The following ZNF695 variants were observed in gnomAD, a reference collection of about 807,000 sequenced individuals.
ZNF695 encodes zinc finger protein SBZF3.
ZNF695 carries 11 observed loss-of-function variants against 11.2 expected under a neutral mutation model. The observed-to-expected ratio is 0.98, with a 90% CI of 0.62 to 1.62. The LOEUF (loss-of-function observed/expected upper bound fraction) is 1.62, where lower values mean the gene tolerates loss of function less well. Ranked by LOEUF, ZNF695 falls within the 40% of genes most tolerant of loss-of-function variation. The pLI, the probability that ZNF695 is intolerant of heterozygous loss-of-function variation, is 0.00. For missense variants in ZNF695, 559 were observed against 590.5 expected, an observed-to-expected ratio of 0.95 and a Z score of 0.55; for synonymous variants, 190 against 201.4, an observed-to-expected ratio of 0.94 and a Z score of 0.48.
At chr1:246,988,709 C>G (rs79645515) in intron 3 of ZNF695, among the ~76,000 whole-genome samples, 3,615 of 152,234 alleles carry the variant, frequency 0.024, 146 homozygotes, top group African/African-American at 0.08. Context: ...GTACTTCAAT[C>G]AGAAAAGAAC....
intron 5 of ZNF695, among the ~76,000 whole-genome samples, chr1:246,947,101 C>T (rs1475378666): frequency 7.1e-6 from 1 of 140,568 alleles, no homozygotes; most frequent in Non-Finnish European, 1.5e-5. Flanking sequence ...GATCGGGCCA[C>T]TGCACTCCAG....
In ZNF695 at chr1:246,987,585, G is replaced by A. The variant is rs1668891921; in HGVS notation, c.930C>T (p.Tyr310=). ...TATGAATTCTCTTGTGTTGAGTAAGGTATGGGAACAACTTAAAGGATTTGC... is the reference window on the plus strand; with the variant it reads ...TATGAATTCTCTTGTGTTGAGTAAGATATGGGAACAACTTAAAGGATTTGC... ...ECGKSFKLFP[Y]LTQHKRIHSR... Residue 310 remains tyrosine (Y), a synonymous_variant, in exon 4 of 4, where the codon TAC becomes TAT. Coordinates refer to ENST00000339986, the MANE Select transcript of ZNF695 (RefSeq NM_020394.5). 1 of 1,598,152 alleles carries A rather than the reference G, an allele frequency of 6.3e-7. No individual in the cohort carries two copies. Among genetic ancestry groups the A allele is most frequent in the South Asian group, 1.1e-5 (1 of 88,038 alleles).
At chr1:246,980,081 A>C (rs1302991752) in intron 4 of ZNF695, 2 of 147,334 alleles carry the variant, frequency 1.4e-5, no homozygotes, top group Non-Finnish European at 3.0e-5. Flanking sequence ...CAGGAGGCTG[A>C]GGCAGGAGAA....
chr1:246,947,314 C>G (rs1011188162), intron 5 of ZNF695, among the ~76,000 whole-genome samples: 1 of 151,334 alleles, frequency 6.6e-6, no homozygotes, highest in Non-Finnish European at 1.5e-5. Flanking sequence ...GCCTCACACT[C>G]CTGGGCTCAA....
intron 4 of ZNF695, among the ~76,000 whole-genome samples, chr1:246,973,437 C>T (rs1203703577): frequency 2.6e-5 from 4 of 152,170 alleles, no homozygotes; most frequent in Non-Finnish European, 5.9e-5. Context: ...AAAGTAAAAC[C>T]ACTACATAAT....
At chr1:246,976,125 T>C (rs2818891) in intron 4 of ZNF695, among the ~76,000 whole-genome samples, 24,079 of 151,996 alleles carry the variant, frequency 0.16, 3,202 homozygotes, top group African/African-American at 0.36. Flanking sequence ...ACAAGAACTT[T>C]ATTGGTTTAT....
At chr1:246,989,075 C>CA (rs1668944661) in intron 3 of ZNF695, among the ~76,000 whole-genome samples, 1 of 143,946 alleles carries the variant, frequency 6.9e-6, no homozygotes. Flanking sequence ...GCCTGGGCAA[C>CA]AGAGCGAGAC....
chr1:246,976,749 G>A lies in ZNF695; in HGVS notation c.391-8957C>T, dbSNP rs188371263. ...GCAGAGCTTGCAGTGTGCTGAGATC[G>A]CGCCACTGCACTCCAGCCTGGGCGA... On this transcript the variant is annotated intron_variant, in intron 4 of 5. Coordinates refer to the ZNF695 transcript ENST00000487338. 4.5e-4 allele frequency among the ~76,000 whole-genome samples: 69 copies of A among 152,162 alleles called. 1 individual carries two copies. Among genetic ancestry groups the A allele is most frequent in the East Asian group, 4.2e-3 (22 of 5,180 alleles).
chr1:246,960,572 C>T (rs541388077), intron 5 of ZNF695, among the ~76,000 whole-genome samples: 1 of 152,152 alleles, frequency 6.6e-6, no homozygotes, highest in Non-Finnish European at 1.5e-5. Context: ...CCATGCAAGA[C>T]AAGTTCTTTT....
chr1:246,945,963 CAA>C, intron 5 of ZNF695: 3 of 1,130,694 alleles, frequency 2.7e-6, no homozygotes, highest in Non-Finnish European at 3.8e-6. Flanking sequence ...CTTGCCATTT[CAA>C]ATTCACGCAG....
intron 3 of ZNF695, among the ~76,000 whole-genome samples, chr1:246,990,814 AACTAT>A (rs1669009619): frequency 6.6e-6 from 1 of 152,248 alleles, no homozygotes; most frequent in African/African-American, 2.4e-5. Context: ...GAATTTTCAA[AACTAT>A]ACAAATACAT....
At chr1:246,952,683 A>G (rs2102999244) in intron 5 of ZNF695, among the ~76,000 whole-genome samples, 1 of 151,902 alleles carries the variant, frequency 6.6e-6, no homozygotes, top group South Asian at 2.1e-4. Context: ...GGTAGCTGGG[A>G]CTACAGGTGC....
At chr1:246,979,547 AAATTATCTTTTAATTG>A (rs1198731105) in intron 4 of ZNF695, among the ~76,000 whole-genome samples, 2 of 152,156 alleles carry the variant, frequency 1.3e-5, no homozygotes, top group Admixed American at 6.6e-5. Flanking sequence ...ACAGCCTTGA[AAATTATCTTTTAATTG>A]ATAGCCTCAG....
At chr1:246,991,962 G>A (rs922729165) in intron 3 of ZNF695, among the ~76,000 whole-genome samples, 1 of 152,088 alleles carries the variant, frequency 6.6e-6, no homozygotes, top group Non-Finnish European at 1.5e-5. Flanking sequence ...TTGGGAGGCC[G>A]AGGTGGGCAG....
chr1:246,972,933 A>G (rs199705348), intron 4 of ZNF695, among the ~76,000 whole-genome samples: 47 of 47,240 alleles, frequency 9.9e-4, no homozygotes, highest in East Asian at 3.4e-3. Flanking sequence ...TTTAATGTGT[A>G]TATATATATA....
chr1:246,995,813 C>CAAAAAAAAA (rs60375785), intron 3 of ZNF695, among the ~76,000 whole-genome samples: 1 of 66,760 alleles, frequency 1.5e-5, no homozygotes, highest in Non-Finnish European at 3.0e-5. Flanking sequence ...GACTCTGTCT[C>CAAAAAAAAA]AAAAAAAAAA....
At chr1:247,000,107 C>A in intron 1 of ZNF695, 33 bp from the exon 2 acceptor site, 1 of 1,566,840 alleles carries the variant, frequency 6.4e-7, no homozygotes, top group Non-Finnish European at 8.6e-7. Context: ...CAAGTGGTCA[C>A]GGCAGAGTTC....
intron 3 of ZNF695, among the ~76,000 whole-genome samples, chr1:246,988,776 A>G (rs992955530): frequency 1.3e-5 from 2 of 152,148 alleles, no homozygotes; most frequent in Non-Finnish European, 2.9e-5. Context: ...ACCAACATAG[A>G]GAAATCCCGT....
intron 5 of ZNF695, among the ~76,000 whole-genome samples, chr1:246,951,167 C>A (rs1303195151): frequency 6.6e-6 from 1 of 151,724 alleles, no homozygotes; most frequent in Non-Finnish European, 1.5e-5. Context: ...TAAAAATCAC[C>A]CTAGCCCTTG....
Sources: gnomAD v4.1 joint callset for allele counts (sites outside exome capture counted in the v4.1 genomes callset) on GRCh38, gnomAD v4.1.1 for gene constraint, MANE v1.5 for transcripts, NCBI Gene and HGNC (gene_info 2026-07-23, HGNC 2026-07-21) for gene names.